Variants in NOL11 observed in about 807,000 individuals in gnomAD.
The protein encoded by NOL11 is nucleolar protein 11.
A neutral mutation model predicts 93.0 loss-of-function variants in NOL11; 42 were observed. The ratio of observed to expected loss-of-function variants is 0.45; its 90% CI spans 0.35 to 0.58. The LOEUF (loss-of-function observed/expected upper bound fraction) is 0.58, where lower values mean the gene tolerates loss of function less well. Among genes scored for constraint, NOL11 ranks in the 20% least tolerant of loss-of-function variants. The probability of loss-of-function intolerance (pLI) is 0.00; values close to 1 mark genes in which losing one functional copy is unlikely to be tolerated. For synonymous variants in NOL11, 296 were observed against 293.7 expected (o/e 1.01, Z -0.08); for missense variants, 775 against 841.8 (o/e 0.92, Z 0.98).
At chr17:67,728,290 C>A (rs1474417665) in intron 7 of NOL11, among the ~76,000 whole-genome samples, 1 of 151,886 alleles carries the variant, frequency 6.6e-6, no homozygotes, top group East Asian at 1.9e-4. Context: ...AATAAAATAA[C>A]TACCATGTGC....
intron 17 of NOL11, 43 bp from the exon 18 acceptor site, chr17:67,743,700 G>T: frequency 1.6e-6 from 2 of 1,248,266 alleles, no homozygotes; most frequent in South Asian, 2.9e-5. Flanking sequence ...TTGTTTCTAT[G>T]TAGACATTAT....
chr17:67,735,888 CTT>C lies in NOL11; in HGVS notation c.931-6_931-5del, dbSNP rs754605827. ...AAAAATTTGCTTATGTTTTTGATAA[CTT>C]TTTTTGTAGCTCTGGTATTATGGAG... On this transcript the variant is annotated splice_polypyrimidine_tract_variant and intron_variant, in intron 8 of 17. Coordinates refer to ENST00000253247, the MANE Select transcript of NOL11 (RefSeq NM_015462.5). 5.0e-6 allele frequency: 8 copies of C among 1,596,842 alleles called. No homozygotes were observed. The highest frequency in any genetic ancestry group is 1.1e-5 in the South Asian group (1 of 87,920).
At chr17:67,738,454 T>C in intron 14 of NOL11, 99 bp downstream of exon 14, 2 of 732,020 alleles carry the variant, frequency 2.7e-6, no homozygotes, top group Non-Finnish European at 4.5e-6. Context: ...AAGGTTTTTC[T>C]TTCCTTTTCC....
At position 67,734,452 on chromosome 17, in the gene NOL11, A is replaced by T. The variant is rs1302839625; in HGVS notation, c.930+13A>T. On this transcript the variant is annotated intron_variant, in intron 8 of 17. Transcript: ENST00000253247. ...GACCAGTGGTCAAGTAAGTTTTTTCACTTGAGTACTTTCTCTGATTTAGTT... is the reference window on the plus strand; with the variant it reads ...GACCAGTGGTCAAGTAAGTTTTTTCTCTTGAGTACTTTCTCTGATTTAGTT... The T allele has an allele frequency of 8.1e-6, 12 of 1,485,226 alleles. No homozygotes were observed. Among genetic ancestry groups the T allele is most frequent in the African/African-American group, 2.8e-5 (2 of 71,652 alleles). The allele number at this position is 1,485,226 out of a possible 1,614,324, so 92.0% of individuals were successfully genotyped here. A position where few individuals can be genotyped will look rare whatever the true frequency, so the allele number is the denominator to read the frequency against.
In NOL11 at chr17:67,729,135, C is replaced by T. The variant is rs1239643098; in HGVS notation, c.853+2487C>T. 9.2e-5 allele frequency among the ~76,000 whole-genome samples: 14 copies of T among 151,376 alleles called. No individual in the cohort carries two copies. The East Asian group carries it at 2.7e-3, about 29-fold the overall frequency. On this transcript the variant is annotated intron_variant, in intron 7 of 17. Coordinates refer to ENST00000253247, the MANE Select transcript of NOL11 (RefSeq NM_015462.5). ...TTGAGACAGAGTTTTAGTCTTGTTGCCCAGGGTGGAGTGCAGTGGCGGGAT... is the reference window on the plus strand; with the variant it reads ...TTGAGACAGAGTTTTAGTCTTGTTGTCCAGGGTGGAGTGCAGTGGCGGGAT...
chr17:67,739,661 A>G lies in NOL11; in HGVS notation c.1935+53A>G, dbSNP rs545985122. The G allele has an allele frequency of 1.4e-4, 169 of 1,186,606 alleles. No homozygotes were observed. In the African/African-American group the frequency reaches 2.2e-3, roughly 15 times the overall value. 73.5% of individuals were successfully genotyped at this position (1,186,606 alleles called of 1,614,324 possible). ...GTGCTGGGAAAAATCTGTGAAAAAA[A>G]GTTGTATTCAAGGTCAGCACCTGCA... On this transcript the variant is annotated intron_variant, in intron 16 of 17. Transcript: ENST00000253247.
At chr17:67,725,708 AC>A (rs908837963) in intron 6 of NOL11, among the ~76,000 whole-genome samples, 6 of 152,188 alleles carry the variant, frequency 3.9e-5, no homozygotes, top group African/African-American at 1.4e-4. Context: ...AATTGCTAGA[AC>A]CACATGAAAC....
chr17:67,732,628 C>T (rs574073842), intron 7 of NOL11, among the ~76,000 whole-genome samples: 2 of 151,702 alleles, frequency 1.3e-5, no homozygotes, highest in South Asian at 4.2e-4. Context: ...GGCTGGAGTG[C>T]AGTGGCATGA....
In NOL11 at chr17:67,724,218, C is replaced by A. The variant is rs746765138; in HGVS notation, c.664+25C>A. Reference sequence around the variant, plus strand: ...AGTAAGTTTTCTTTCTTTAAACTTTCAGAGATTATAAATAGAGGATTGTTA... The same window carrying A: ...AGTAAGTTTTCTTTCTTTAAACTTTAAGAGATTATAAATAGAGGATTGTTA... On this transcript the variant is annotated intron_variant, in intron 6 of 17. Transcript: ENST00000253247. 2.1e-6 allele frequency: 3 copies of A among 1,404,294 alleles called. No homozygotes were observed. The Admixed American group carries it at 6.5e-5, about 30-fold the overall frequency. 87.0% of individuals were successfully genotyped at this position (1,404,294 alleles called of 1,614,324 possible).
intron 7 of NOL11, among the ~76,000 whole-genome samples, chr17:67,728,705 C>T (rs2055122856): frequency 6.6e-6 from 1 of 152,078 alleles, no homozygotes; most frequent in Non-Finnish European, 1.5e-5. Flanking sequence ...AATGGTAGCA[C>T]ACCATGCATA....
At chr17:67,723,988 C>T in intron 5 of NOL11, 61 bp from the exon 6 acceptor site, 1 of 1,220,992 alleles carries the variant, frequency 8.2e-7, no homozygotes, top group Non-Finnish European at 1.1e-6. Flanking sequence ...CTGGTTTTAA[C>T]ATATGTTAAA....
intron 6 of NOL11, among the ~76,000 whole-genome samples, chr17:67,725,723 C>G (rs992895348): frequency 1.3e-5 from 2 of 151,994 alleles, no homozygotes; most frequent in African/African-American, 4.8e-5. Flanking sequence ...ATGAAACTGC[C>G]GAAATTCAGT....
In NOL11 at chr17:67,736,764, G is replaced by A. The variant is rs375362642; in HGVS notation, c.1143+10G>A. On this transcript the variant is annotated intron_variant, in intron 10 of 17. Coordinates refer to ENST00000253247, the MANE Select transcript of NOL11 (RefSeq NM_015462.5). ...GCAGTCAAGAAGAATTGTAAGTTTCGTAGTTGAAATTGAAACATTAGTGCA... is the reference window on the plus strand; with the variant it reads ...GCAGTCAAGAAGAATTGTAAGTTTCATAGTTGAAATTGAAACATTAGTGCA... 7.4e-5 allele frequency: 118 copies of A among 1,589,200 alleles called. 1 individual carries two copies. Among genetic ancestry groups the A allele is most frequent in the Non-Finnish European group, 9.5e-5 (110 of 1,160,152 alleles).
chr17:67,741,188 G>T (rs759525058), intron 16 of NOL11, among the ~76,000 whole-genome samples: 30 of 152,136 alleles, frequency 2.0e-4, no homozygotes, highest in Non-Finnish European at 4.1e-4. Context: ...TCCTGCCTCA[G>T]CCTCCTGAGT....
At chr17:67,738,858 G>C in intron 14 of NOL11, 74 bp from the exon 15 acceptor site, 1 of 931,284 alleles carries the variant, frequency 1.1e-6, no homozygotes, top group South Asian at 1.5e-5. Flanking sequence ...AACTAACATT[G>C]ACAAAGGAAG....
At chr17:67,740,530 A>T (rs561966590) in intron 16 of NOL11, 8 of 148,638 alleles carry the variant, frequency 5.4e-5, no homozygotes, top group African/African-American at 2.0e-4. Flanking sequence ...AATCACTTGA[A>T]CCCGGGAGTT....
At position 67,724,174 on chromosome 17, in the gene NOL11, C is replaced by G; in HGVS notation, c.645C>G (p.Phe215Leu). The G allele has an allele frequency of 6.4e-7, 1 of 1,571,968 alleles. No individual in the cohort carries two copies. The highest frequency in any genetic ancestry group is 2.2e-5 in the East Asian group (1 of 44,584). The change falls in exon 6 of 18, where the codon TTC (phenylalanine) becomes TTG (leucine). Residue 215 changes from phenylalanine to leucine, a missense_variant. Around this residue, in one of 2 missense-constraint regions of NOL11, gnomAD observed 359 missense variants for 316.5 expected, o/e 1.13. Coordinates refer to ENST00000253247, the MANE Select transcript of NOL11 (RefSeq NM_015462.5). ...TTACTGCATCTGTAGATCGGAAATT[C>G]ATCTCTTTGATGTCATTAAGTAAGT... ...KSFTASVDRK[F>L]ISLMSLSSDG...
Position 67,741,337 on chromosome 17 carries a change from T to C in NOL11, c.1935+1729T>C, listed in dbSNP as rs1236108196. ...TACCCATCTCAGCCTCCCAAAGTGCTAGGATTACAGGTGTAAGCTACCGTG... is the reference window on the plus strand; with the variant it reads ...TACCCATCTCAGCCTCCCAAAGTGCCAGGATTACAGGTGTAAGCTACCGTG... On this transcript the variant is annotated intron_variant, in intron 16 of 17. Coordinates refer to ENST00000253247, the MANE Select transcript of NOL11 (RefSeq NM_015462.5). Among the ~76,000 whole-genome samples the C allele has an allele frequency of 2.6e-5, 4 of 152,212 alleles. No homozygotes were observed. The East Asian group carries it at 7.7e-4, about 29-fold the overall frequency.
chr17:67,727,295 C>T (rs1442463055), intron 7 of NOL11, among the ~76,000 whole-genome samples: 2 of 152,222 alleles, frequency 1.3e-5, no homozygotes, highest in Admixed American at 6.5e-5. Context: ...CTGCTTTATT[C>T]AGGCAGTGCT....
Sources: allele counts gnomAD v4.1 joint callset (sites outside exome capture counted in the v4.1 genomes callset), GRCh38; gene constraint gnomAD v4.1.1; regional missense constraint gnomAD v4.1.1; transcripts MANE v1.5; gene names NCBI Gene and HGNC (gene_info 2026-07-23, HGNC 2026-07-21).